Variants in SEPTIN8 observed in about 807,000 individuals in gnomAD.
SEPTIN8 encodes the protein septin 8, also known as septin-8.
SEPTIN8 carries 22 observed loss-of-function variants against 53.1 expected under a neutral mutation model. That is an observed-to-expected ratio of 0.41 (90% CI 0.30 to 0.59). The LOEUF (loss-of-function observed/expected upper bound fraction) is 0.59, where lower values mean the gene tolerates loss of function less well. Among genes scored for constraint, SEPTIN8 ranks in the 20% least tolerant of loss-of-function variants. SEPTIN8 has a pLI of 0.24. For synonymous variants in SEPTIN8, 228 were observed against 248.4 expected, an observed-to-expected ratio of 0.92 and a Z score of 0.77; for missense variants, 536 against 638.7, an observed-to-expected ratio of 0.84 and a Z score of 1.73.
chr5:132,759,147 C>T (rs552716804), intron 9 of SEPTIN8: 1 of 475,612 alleles, frequency 2.1e-6, no homozygotes, highest in African/African-American at 1.9e-5. Context: ...CACACTAGTC[C>T]CTTGACCAGG....
rs761957678 is a variant in SEPTIN8 at position 132,751,973 on chromosome 5, C to T, written c.*43G>A. On this transcript the variant is annotated 3_prime_UTR_variant, in exon 10 of 10. Coordinates refer to ENST00000378719, the MANE Select transcript of SEPTIN8 (RefSeq NM_001098811.2). The stretch of plus-strand genomic sequence containing the variant: ...AAAAACCATGGTCTCCAGTTCCATG[C>T]CCTGGTGGTCCTGAGCTGGCCCCAT... 1 of 1,610,418 alleles carries T rather than the reference C, an allele frequency of 6.2e-7. No homozygotes were observed. Among genetic ancestry groups the T allele is most frequent in the South Asian group, 1.1e-5 (1 of 89,794 alleles).
intron 1 of SEPTIN8, 115 bp from the exon 2 acceptor site, chr5:132,765,644 T>A: frequency 7.8e-7 from 1 of 1,277,262 alleles, no homozygotes; most frequent in Non-Finnish European, 1.1e-6. Context: ...GATGTCTGAA[T>A]TCTCAACAAA....
At chr5:132,765,991 C>G (rs186578650) in intron 1 of SEPTIN8, among the ~76,000 whole-genome samples, 1 of 152,180 alleles carries the variant, frequency 6.6e-6, no homozygotes, top group East Asian at 1.9e-4. Context: ...CCCACTGATG[C>G]AGGACTCAAG....
chr5:132,750,966 ATAT>A lies in SEPTIN8; in HGVS notation c.*1047_*1049del. The A allele has an allele frequency of 3.1e-6, 5 of 1,614,200 alleles. No homozygotes were observed. In the Middle Eastern group the frequency reaches 5.0e-4, roughly 160 times the overall value. On this transcript the variant is annotated 3_prime_UTR_variant, in exon 10 of 10. Coordinates refer to ENST00000378719, the MANE Select transcript of SEPTIN8 (RefSeq NM_001098811.2). The stretch of plus-strand genomic sequence containing the variant: ...CTGGACAGACTGCACTGGGACCTCT[ATAT>A]TGGGACGCCGCTGGACTTCTTGACT...
intron 1 of SEPTIN8, among the ~76,000 whole-genome samples, chr5:132,771,119 T>C (rs770115191): frequency 1.3e-5 from 2 of 152,224 alleles, no homozygotes; most frequent in African/African-American, 4.8e-5. Context: ...GGAAATGCTC[T>C]GTCTGAGCCT....
rs187607858 is a variant in SEPTIN8, at chr5:132,756,555, A to C, written c.1286+4247T>G. On this transcript the variant is annotated intron_variant, in intron 9 of 9. Transcript: ENST00000378719. ...CACATTCTATGGGGGCTAACTTACTAAACAGTGGCAAGTTTTAAGCTCACT... is the reference window on the plus strand; with the variant it reads ...CACATTCTATGGGGGCTAACTTACTCAACAGTGGCAAGTTTTAAGCTCACT... 34 of 985,360 alleles carry C rather than the reference A, an allele frequency of 3.5e-5. No individual in the cohort carries two copies. The African/African-American group carries it at 5.9e-4, about 17-fold the overall frequency. 61.0% of individuals were successfully genotyped at this position (985,360 alleles called of 1,614,324 possible). A position where few individuals can be genotyped will look rare whatever the true frequency, so the allele number is the denominator to read the frequency against.
chr5:132,764,548 C>T, intron 2 of SEPTIN8, 129 bp from the exon 3 acceptor site: 1 of 658,340 alleles, frequency 1.5e-6, no homozygotes, highest in South Asian at 2.0e-5. Flanking sequence ...GGGCAGGCCG[C>T]CCACCCCATC....
In SEPTIN8 at chr5:132,777,203, T is replaced by C. The variant is rs190772633; in HGVS notation, c.-66A>G. 6,181 of 1,159,602 alleles carry C rather than the reference T, an allele frequency of 5.3e-3. 48 individuals carry two copies. The highest frequency in any genetic ancestry group is 0.034 in the East Asian group (862 of 25,184). The allele number at this position is 1,159,602 out of a possible 1,614,324, so 71.8% of individuals were successfully genotyped here. A position where few individuals can be genotyped will look rare whatever the true frequency, so the allele number is the denominator to read the frequency against. ...GGGGCAGCGACAGGGACCAGCCGGC[T>C]GCGGGACGCGCTCCGCCCGGGCGGC... On this transcript the variant is annotated 5_prime_UTR_variant, in exon 1 of 10. Transcript: ENST00000378719. This position sits in a 1 kb window ranked among gnomAD's most constrained non-coding sequence, Gnocchi z 4.1.
chr5:132,771,115 GCT>G (rs1404167082), intron 1 of SEPTIN8, among the ~76,000 whole-genome samples: 11 of 152,214 alleles, frequency 7.2e-5, no homozygotes, highest in Admixed American at 7.2e-4. Context: ...GATAGGAAAT[GCT>G]CTGTCTGAGC....
At position 132,764,381 on chromosome 5, in the gene SEPTIN8, G is replaced by A. The variant is rs1195339115; in HGVS notation, c.190C>T (p.Leu64Phe). Residue 64 changes from leucine (L) to phenylalanine (F), a missense_variant, in exon 3 of 10, where the codon CTC becomes TTC. Around this residue, in one of 3 missense-constraint regions of SEPTIN8, gnomAD observed 395 missense variants for 451.8 expected, o/e 0.87. Transcript: ENST00000378719. ...GIGKSTLMNT[L>F]FNTTFETEEA... ...TCAGTCTCGAAGGTCGTGTTGAAGA[G>A]TGTGTTCATCAGTGTGGATTTGCCA... 1.9e-6 allele frequency: 3 copies of A among 1,614,168 alleles called. No individual in the cohort carries two copies. The highest frequency in any genetic ancestry group is 1.7e-5 in the Admixed American group (1 of 60,024).
upstream of SEPTIN8, chr5:132,777,368 C>T (rs1757909541): frequency 9.7e-7 from 1 of 1,033,846 alleles, no homozygotes; most frequent in Non-Finnish European, 1.2e-6. The surrounding 1 kb of genome is among the most constrained non-coding windows in gnomAD (Gnocchi z 4.1). Context: ...CAGCCGGAGC[C>T]CCGCCGCTTG....
chr5:132,754,673 G>A (rs567998488), intron 9 of SEPTIN8, among the ~76,000 whole-genome samples: 2 of 152,298 alleles, frequency 1.3e-5, no homozygotes, highest in East Asian at 1.9e-4. Context: ...AAAATCTTAT[G>A]TGCTTTTCAA....
intron 9 of SEPTIN8, 80 bp from the exon 10 acceptor site, chr5:132,752,261 C>A (rs1754910142): frequency 2.7e-6 from 4 of 1,492,154 alleles, no homozygotes. Flanking sequence ...ACACTCTGAC[C>A]CCAAAGGGGT....
chr5:132,777,859 A>G (rs1410692607), upstream of SEPTIN8: 2 of 985,364 alleles, frequency 2.0e-6, no homozygotes, highest in Non-Finnish European at 2.4e-6. The surrounding 1 kb of genome is among the most constrained non-coding windows in gnomAD (Gnocchi z 4.1). Context: ...TCCTTGTGCA[A>G]CCAACGAGCA....
chr5:132,763,935 A>G (rs759158645), intron 3 of SEPTIN8, 43 bp from the exon 4 acceptor site: 11 of 1,415,720 alleles, frequency 7.8e-6, no homozygotes, highest in Non-Finnish European at 1.1e-5. Flanking sequence ...AGCTGAGATC[A>G]GGGGCTTGGG....
intron 1 of SEPTIN8, among the ~76,000 whole-genome samples, chr5:132,767,815 C>A (rs968875606): frequency 6.6e-6 from 1 of 152,010 alleles, no homozygotes; most frequent in African/African-American, 2.4e-5. Flanking sequence ...AAATTTAAGG[C>A]GTGCTGTGCT....
At chr5:132,754,220 T>C in intron 9 of SEPTIN8, 2 of 560,564 alleles carry the variant, frequency 3.6e-6, no homozygotes, top group Non-Finnish European at 6.4e-6. Flanking sequence ...GAGAGTCAGA[T>C]ACATTTGGAA....
chr5:132,766,390 G>T (rs1756599809), intron 1 of SEPTIN8, among the ~76,000 whole-genome samples: 1 of 152,120 alleles, frequency 6.6e-6, no homozygotes, highest in South Asian at 2.1e-4. Flanking sequence ...GTGAGCTGGG[G>T]CCACTGGAGG....
rs112109974 is a variant in SEPTIN8 at position 132,756,855 on chromosome 5, C to T, written c.1286+3947G>A. On this transcript the variant is annotated intron_variant, in intron 9 of 9. Transcript: ENST00000378719. ...CATACTCCAGAGTCCTAGGTTGGCCCATGAACCAGGAATTCTCATTTCTTA... is the reference window on the plus strand; with the variant it reads ...CATACTCCAGAGTCCTAGGTTGGCCTATGAACCAGGAATTCTCATTTCTTA... 41 of 985,408 alleles carry T rather than the reference C, an allele frequency of 4.2e-5. 1 individual carries two copies. In the African/African-American group the frequency reaches 4.2e-4, roughly 10 times the overall value. 61.0% of individuals were successfully genotyped at this position (985,408 alleles called of 1,614,324 possible). A position where few individuals can be genotyped will look rare whatever the true frequency, so the allele number is the denominator to read the frequency against.
Sources: allele counts gnomAD v4.1 joint callset (sites outside exome capture counted in the v4.1 genomes callset), GRCh38; gene constraint gnomAD v4.1.1; regional missense constraint gnomAD v4.1.1; non-coding constraint Gnocchi (gnomAD v3.1); transcripts MANE v1.5; gene names NCBI Gene and HGNC (gene_info 2026-07-23, HGNC 2026-07-21).